Variants in TARBP1 observed in about 807,000 individuals in gnomAD.
TARBP1 encodes tRNA guanosine 2 -O-methyltransferase TARBP1.
TARBP1 carries 144 observed loss-of-function variants against 178.6 expected under a neutral mutation model. That is an observed-to-expected ratio of 0.81 (90% CI 0.70 to 0.93). TARBP1 has a LOEUF of 0.93. Ranked by LOEUF, TARBP1 falls within the 40% of genes least tolerant of loss-of-function variation. TARBP1 has a pLI of 0.00. For synonymous variants in TARBP1, 787 were observed against 781.0 expected (o/e 1.01, Z -0.13); for missense variants, 2,067 against 2,011.7 (o/e 1.03, Z -0.53).
intron 26 of TARBP1, among the ~76,000 whole-genome samples, chr1:234,398,014 A>G (rs1393806756): frequency 6.6e-6 from 1 of 151,872 alleles, no homozygotes; most frequent in African/African-American, 2.4e-5. Context: ...AGGACAAAAA[A>G]AGAGATTTCA....
chr1:234,408,320 C>T (rs754730156), intron 23 of TARBP1, among the ~76,000 whole-genome samples: 20 of 152,088 alleles, frequency 1.3e-4, no homozygotes, highest in Admixed American at 2.6e-4. Context: ...TTGCTTCTAA[C>T]CTCCAAGCTG....
At position 234,478,224 on chromosome 1, in the gene TARBP1, C is replaced by T. The variant is rs775215571; in HGVS notation, c.880G>A (p.Val294Met). ...CAGTCGGCCCCCAGCTCCGCCGACA[C>T]CTCCACCGCCCTCTGCAGCAGGTAG... ...ARYLLQRAVE[V>M]SAELGADCTC... The change falls in exon 1 of 30, where the codon GTG becomes ATG. Residue 294 changes from valine (V) to methionine (M), a missense_variant. By Grantham distance (21) the Val-to-Met change is conservative. Coordinates refer to ENST00000040877, the MANE Select transcript of TARBP1 (RefSeq NM_005646.4). 3 of 1,611,686 alleles carry T rather than the reference C, an allele frequency of 1.9e-6. No individual in the cohort carries two copies. The highest frequency in any genetic ancestry group is 1.7e-5 in the Admixed American group (1 of 59,942).
intron 3 of TARBP1, among the ~76,000 whole-genome samples, chr1:234,470,827 G>C (rs1422227608): frequency 1.3e-5 from 2 of 151,996 alleles, no homozygotes; most frequent in African/African-American, 4.8e-5. Context: ...TGTTGGCCAG[G>C]CTGGTCTTGA....
intron 6 of TARBP1, among the ~76,000 whole-genome samples, chr1:234,462,985 C>G (rs12039746): frequency 0.024 from 3,681 of 152,316 alleles, 60 homozygotes; most frequent in East Asian, 0.07. Flanking sequence ...AGAGTAGGTC[C>G]TGCTGCTGCT....
At position 234,478,904 on chromosome 1, in the gene TARBP1, C is replaced by T; in HGVS notation, c.200G>A (p.Gly67Glu). 1 of 1,417,186 alleles carries T rather than the reference C, an allele frequency of 7.1e-7. No individual in the cohort carries two copies. 87.8% of individuals were successfully genotyped at this position (1,417,186 alleles called of 1,614,324 possible). A position where few individuals can be genotyped will look rare whatever the true frequency, so the allele number is the denominator to read the frequency against. The change falls in exon 1 of 30, where the codon GGG becomes GAG. Residue 67 changes from glycine (G) to glutamate (E), a missense_variant. By Grantham distance (98) the Gly-to-Glu change is moderately conservative. Transcript: ENST00000040877. Reference sequence around the variant, plus strand: ...GCTCCGCAGCAGTGGCACGAGGTACCCTGCAGCCACCTCGCGCGCCGCCTC... The same window carrying T: ...GCTCCGCAGCAGTGGCACGAGGTACTCTGCAGCCACCTCGCGCGCCGCCTC... Reference protein sequence around the residue: ...LPEAAREVAAGYLVPLLRSLR... With the variant: ...LPEAAREVAAEYLVPLLRSLR...
chr1:234,428,538 C>A (rs1369073937), intron 17 of TARBP1, among the ~76,000 whole-genome samples: 2 of 150,894 alleles, frequency 1.3e-5, no homozygotes, highest in African/African-American at 4.8e-5. Flanking sequence ...GTTTTTCATA[C>A]AGATTTCCCA....
rs536319354 is a variant in TARBP1 at position 234,433,449 on chromosome 1, A to G, written c.2355T>C (p.Asn785=). 1.2e-6 allele frequency: 2 copies of G among 1,613,990 alleles called. No individual in the cohort carries two copies. The highest frequency in any genetic ancestry group is 1.1e-5 in the South Asian group (1 of 91,058). The part of the protein sequence containing the change: ...PIWRVISLLK[N]ASIQHLQEMD... ...TCTCTTGAAGATGCTGAATGGATGC[A>G]TTTTTCAAAAGAGAAATAACTCTCC... Residue 785 remains asparagine, a synonymous_variant, in exon 14 of 30, where the codon AAT becomes AAC. Coordinates refer to ENST00000040877, the MANE Select transcript of TARBP1 (RefSeq NM_005646.4).
Position 234,429,180 on chromosome 1 carries a change from T to C in TARBP1, c.3016A>G (p.Ile1006Val), listed in dbSNP as rs142990919. The C allele has an allele frequency of 1.3e-4, 201 of 1,592,324 alleles. No individual in the cohort carries two copies. The highest frequency in any genetic ancestry group is 1.7e-4 in the Non-Finnish European group (195 of 1,174,680). The change falls in exon 17 of 30, where the codon ATT becomes GTT. Residue 1006 changes from isoleucine (I) to valine (V), a missense_variant. Ile to Val is a conservative substitution (Grantham distance 29). Coordinates refer to ENST00000040877, the MANE Select transcript of TARBP1 (RefSeq NM_005646.4). ...QFVFDNKVLT[I>V]AAKIKGQAYF... is the part of the protein sequence containing the mutation. ...GCCTGGCCCTTGATTTTGGCAGCAA[T>C]GGTAAGAACTTTGTTATCAAAAACA... is the stretch of plus-strand genomic sequence containing the variant.
At chr1:234,472,641 C>A (rs1011599635) in intron 2 of TARBP1, 73 bp downstream of exon 2, 2 of 1,011,222 alleles carry the variant, frequency 2.0e-6, no homozygotes, top group Non-Finnish European at 2.9e-6. Flanking sequence ...CTTTGTATCG[C>A]TTTTAATGAA....
At chr1:234,396,522 G>T (rs1035455300) in intron 26 of TARBP1, among the ~76,000 whole-genome samples, 1 of 152,092 alleles carries the variant, frequency 6.6e-6, no homozygotes, top group Non-Finnish European at 1.5e-5. Flanking sequence ...ACTGTGTTAG[G>T]TACGTGCTCC....
rs1666742010 is a variant in TARBP1 at position 234,451,464 on chromosome 1, TGG to T, written c.1723-900_1723-899del. ...CCTGACCAAAGATAAAACTGATGAATGGGCCGGGCGCGGTGGCTCACGCCTGT... is the reference window on the plus strand; with the variant it reads ...CCTGACCAAAGATAAAACTGATGAATGCCGGGCGCGGTGGCTCACGCCTGT... On this transcript the variant is annotated intron_variant, in intron 9 of 29. Transcript: ENST00000040877. Among the ~76,000 whole-genome samples, 4 of 103,190 alleles carry T rather than the reference TGG, an allele frequency of 3.9e-5. 1 individual carries two copies. Among genetic ancestry groups the T allele is most frequent in the African/African-American group, 1.5e-4 (3 of 19,638 alleles). The allele number at this position is 103,190 out of a possible 152,430, so 67.7% of individuals were successfully genotyped here. A position where few individuals can be genotyped will look rare whatever the true frequency, so the allele number is the denominator to read the frequency against.
At chr1:234,422,950 A>G (rs956887464) in intron 20 of TARBP1, among the ~76,000 whole-genome samples, 1 of 152,182 alleles carries the variant, frequency 6.6e-6, no homozygotes, top group Non-Finnish European at 1.5e-5. Context: ...AATAGTTCTT[A>G]AACTGTATCA....
At chr1:234,432,296 G>A (rs1287429902) in intron 14 of TARBP1, among the ~76,000 whole-genome samples, 1 of 152,002 alleles carries the variant, frequency 6.6e-6, no homozygotes, top group Non-Finnish European at 1.5e-5. Context: ...ACAAAAATTA[G>A]CCGGGCATGG....
At chr1:234,436,488 A>C (rs570195692) in intron 13 of TARBP1, among the ~76,000 whole-genome samples, 1 of 152,310 alleles carries the variant, frequency 6.6e-6, no homozygotes, top group East Asian at 1.9e-4. Flanking sequence ...CACTCCAAAG[A>C]GATTTTCATA....
At position 234,457,770 on chromosome 1, in the gene TARBP1, G is replaced by A. The variant is rs1320412362; in HGVS notation, c.1633-14C>T. On this transcript the variant is annotated splice_polypyrimidine_tract_variant and intron_variant, in intron 8 of 29. Coordinates refer to ENST00000040877, the MANE Select transcript of TARBP1 (RefSeq NM_005646.4). ...TGACACTTTCTCCTGGGCAGGGCAG[G>A]AAAGGTTTTAAAAATTACTCGTATT... The A allele has an allele frequency of 1.9e-6, 3 of 1,582,916 alleles. No individual in the cohort carries two copies. The highest frequency in any genetic ancestry group is 1.4e-5 in the African/African-American group (1 of 73,546).
rs2050374 is a variant in TARBP1 at position 234,460,004 on chromosome 1, C to T, written c.1535+257G>A. Reference sequence around the variant, plus strand: ...GTAATTTTAAAAAAAACTTACTGGCCTTATTTAAAGAGGTCAAAATTCAAC... The same window carrying T: ...GTAATTTTAAAAAAAACTTACTGGCTTTATTTAAAGAGGTCAAAATTCAAC... On this transcript the variant is annotated intron_variant, in intron 7 of 29. Transcript: ENST00000040877. Among the ~76,000 whole-genome samples the T allele has an allele frequency of 5.4e-3, 815 of 152,022 alleles. 4 individuals carry two copies. Among genetic ancestry groups the T allele is most frequent in the African/African-American group, 0.018 (731 of 41,460 alleles).
intron 11 of TARBP1, among the ~76,000 whole-genome samples, 188 bp from the exon 12 acceptor site, chr1:234,447,163 G>A (rs1244604853): frequency 1.3e-5 from 2 of 151,886 alleles, no homozygotes; most frequent in African/African-American, 2.4e-5. Context: ...TGAGGGTGGC[G>A]ACTCACTAAA....
chr1:234,463,897 C>A lies in TARBP1; in HGVS notation c.1339G>T (p.Gly447Ter). 6.3e-7 allele frequency: 1 copy of A among 1,594,648 alleles called. No individual in the cohort carries two copies. Among genetic ancestry groups the A allele is most frequent in the Non-Finnish European group, 8.5e-7 (1 of 1,170,796 alleles). Residue 447 changes from glycine to a stop codon, truncating the protein, a stop_gained, in exon 6 of 30, where the codon GGA (glycine) becomes TGA (stop). Coordinates refer to ENST00000040877, the MANE Select transcript of TARBP1 (RefSeq NM_005646.4). LOFTEE classifies it high-confidence loss of function. ...ACTAAAAACTTCTGTAATTTCAGTC[C>A]CAATGGAGAACAGCTTCCTATTGGC... is the stretch of plus-strand genomic sequence containing the variant. ...GQPIGSCSPL[G>*]LKLQKFLVTY...
intron 20 of TARBP1, 72 bp downstream of exon 20, chr1:234,425,601 T>C: frequency 2.1e-6 from 3 of 1,439,262 alleles, no homozygotes; most frequent in Non-Finnish European, 2.9e-6. Context: ...GTACATATTC[T>C]AGCAACATAA....
Sources: gnomAD v4.1 joint callset for allele counts (sites outside exome capture counted in the v4.1 genomes callset) on GRCh38, gnomAD v4.1.1 for gene constraint, MANE v1.5 for transcripts, NCBI Gene and HGNC (gene_info 2026-07-23, HGNC 2026-07-21) for gene names.